Variants in TDRD3 observed in about 807,000 individuals in gnomAD.
TDRD3 encodes the protein tudor domain containing 3.
A neutral mutation model predicts 86.7 loss-of-function variants in TDRD3; 45 were observed. The ratio of observed to expected loss-of-function variants is 0.52; its 90% CI spans 0.41 to 0.67. The LOEUF (loss-of-function observed/expected upper bound fraction) is 0.67, where lower values mean the gene tolerates loss of function less well. TDRD3 is among the 30% of genes least tolerant of loss of function. TDRD3 has a pLI of 0.00. For missense variants in TDRD3, 814 were observed against 889.0 expected, an observed-to-expected ratio of 0.92 and a Z score of 1.07; for synonymous variants, 298 against 301.7, an observed-to-expected ratio of 0.99 and a Z score of 0.13.
At chr13:60,506,239 G>T (rs1213032504) in intron 8 of TDRD3, among the ~76,000 whole-genome samples, 1 of 152,140 alleles carries the variant, frequency 6.6e-6, no homozygotes, top group East Asian at 1.9e-4. Context: ...CATTCTTAAA[G>T]AAGAGTTTTC....
At chr13:60,480,016 A>G (rs900127389) in intron 5 of TDRD3, among the ~76,000 whole-genome samples, 9 of 152,134 alleles carry the variant, frequency 5.9e-5, no homozygotes, top group Non-Finnish European at 1.2e-4. Flanking sequence ...CAATATTGAT[A>G]TGTTAGGGTT....
At chr13:60,447,484 C>G (rs955237185) in intron 3 of TDRD3, among the ~76,000 whole-genome samples, 8 of 152,074 alleles carry the variant, frequency 5.3e-5, no homozygotes, top group African/African-American at 1.9e-4. Context: ...TGGCAAGCTT[C>G]GAGAATTATG....
intron 5 of TDRD3, among the ~76,000 whole-genome samples, chr13:60,467,938 C>T (rs1422275547): frequency 2.0e-5 from 3 of 152,182 alleles, no homozygotes; most frequent in Admixed American, 6.5e-5. Context: ...GCAGTCAAAT[C>T]TCGTATCACT....
chr13:60,410,644 T>A (rs1284253342), intron 1 of TDRD3, among the ~76,000 whole-genome samples: 1 of 152,162 alleles, frequency 6.6e-6, no homozygotes, highest in Non-Finnish European at 1.5e-5. Context: ...CTAATTTGAG[T>A]AATAATGAGA....
intron 12 of TDRD3, among the ~76,000 whole-genome samples, chr13:60,538,383 A>ATT (rs34945980): frequency 0.14 from 19,624 of 138,566 alleles, 1,422 homozygotes; most frequent in East Asian, 0.2. Context: ...TTTCACCTGT[A>ATT]TTTTTTTTTT....
At chr13:60,402,042 A>C (rs977047331) in intron 1 of TDRD3, among the ~76,000 whole-genome samples, 8 of 152,246 alleles carry the variant, frequency 5.3e-5, no homozygotes, top group African/African-American at 1.9e-4. Flanking sequence ...AGCTACTACA[A>C]AGATGTGGAA....
chr13:60,461,835 A>G (rs1455655643), intron 4 of TDRD3, among the ~76,000 whole-genome samples: 1 of 152,160 alleles, frequency 6.6e-6, no homozygotes, highest in African/African-American at 2.4e-5. Flanking sequence ...ATGAGTAGGT[A>G]TTTTAAGGTG....
intron 10 of TDRD3, among the ~76,000 whole-genome samples, chr13:60,527,456 C>T (rs1957467697): frequency 6.6e-6 from 1 of 152,130 alleles, no homozygotes; most frequent in Non-Finnish European, 1.5e-5. Flanking sequence ...AGAATAATTA[C>T]AGCTGCATGT....
chr13:60,421,397 T>G (rs773470891), intron 1 of TDRD3, among the ~76,000 whole-genome samples: 4 of 152,176 alleles, frequency 2.6e-5, no homozygotes, highest in Non-Finnish European at 4.4e-5. Context: ...AAACTTGCCT[T>G]CTTGATTCAA....
chr13:60,547,723 A>G (rs1369415908), intron 12 of TDRD3, among the ~76,000 whole-genome samples: 2 of 152,160 alleles, frequency 1.3e-5, no homozygotes, highest in Non-Finnish European at 2.9e-5. Context: ...TCTCCTCTTC[A>G]TATTGAAAAT....
At chr13:60,418,110 C>T (rs951561413) in intron 1 of TDRD3, among the ~76,000 whole-genome samples, 8 of 152,112 alleles carry the variant, frequency 5.3e-5, no homozygotes, top group African/African-American at 1.9e-4. Context: ...CAAAGGTATG[C>T]ATAGCCTCTT....
At chr13:60,400,113 A>G (rs1954053464) in intron 1 of TDRD3, among the ~76,000 whole-genome samples, 1 of 152,206 alleles carries the variant, frequency 6.6e-6, no homozygotes, top group South Asian at 2.1e-4. Flanking sequence ...CAGAGTAGTG[A>G]TAATGTTTAA....
chr13:60,469,311 G>A (rs1181036628), intron 5 of TDRD3, among the ~76,000 whole-genome samples: 1 of 151,666 alleles, frequency 6.6e-6, no homozygotes, highest in Non-Finnish European at 1.5e-5. Flanking sequence ...TTTAAAGTGT[G>A]GTAAAAAGTT....
At chr13:60,492,917 CTTTTTTTTTTT>C (rs71199004) in intron 7 of TDRD3, among the ~76,000 whole-genome samples, 1 of 115,470 alleles carries the variant, frequency 8.7e-6, no homozygotes, top group Non-Finnish European at 1.8e-5. Flanking sequence ...TCTTTCTTTT[CTTTTTTTTTTT>C]TTTTTTTTGA....
chr13:60,519,114 T>G (rs1449042072), intron 10 of TDRD3, among the ~76,000 whole-genome samples: 1 of 152,162 alleles, frequency 6.6e-6, no homozygotes, highest in Non-Finnish European at 1.5e-5. Context: ...ATAGCTTTTC[T>G]TAGAATACTA....
At chr13:60,563,132 G>T (rs1398439668) in intron 12 of TDRD3, among the ~76,000 whole-genome samples, 1 of 151,914 alleles carries the variant, frequency 6.6e-6, no homozygotes, top group South Asian at 2.1e-4. Context: ...GGAGGCTGAG[G>T]GGGGAGAATC....
intron 1 of TDRD3, among the ~76,000 whole-genome samples, chr13:60,398,251 A>T (rs929422143): frequency 3.3e-5 from 5 of 152,304 alleles, no homozygotes; most frequent in African/African-American, 1.2e-4. Flanking sequence ...AAAGATTTGC[A>T]ACGGCTCTCT....
intron 13 of TDRD3, among the ~76,000 whole-genome samples, chr13:60,569,036 T>C: frequency 6.6e-6 from 1 of 152,146 alleles, no homozygotes; most frequent in Non-Finnish European, 1.5e-5. Context: ...TGGCACCATC[T>C]CAGCTCACTC....
At position 60,427,154 on chromosome 13, in the gene TDRD3, C is replaced by CT. The variant is rs201790388; in HGVS notation, c.42-12526dup. ...ATGTGGAGTGTGACTGTATTGAAAA[C>CT]TTTTTTTTCTTAAGAGCAAATAGCT... On this transcript the variant is annotated intron_variant, in intron 1 of 13. Transcript: ENST00000377881. 6.6e-3 allele frequency among the ~76,000 whole-genome samples: 1,003 copies of CT among 152,118 alleles called. 13 individuals carry two copies. The highest frequency in any genetic ancestry group is 0.023 in the African/African-American group (953 of 41,496).
Sources: gnomAD v4.1 joint callset for allele counts (sites outside exome capture counted in the v4.1 genomes callset) on GRCh38, gnomAD v4.1.1 for gene constraint, MANE v1.5 for transcripts, NCBI Gene and HGNC (gene_info 2026-07-23, HGNC 2026-07-21) for gene names.